ZNF875: variants seen among roughly 807,000 people sequenced by gnomAD.
ZNF875 encodes the protein HKR1, GLI-Kruppel zinc finger family member.
A neutral mutation model predicts 11.2 loss-of-function variants in ZNF875; 14 were observed. The observed-to-expected ratio is 1.26, with a 90% CI of 0.83 to 1.96. ZNF875 has a LOEUF of 1.96. Among genes scored for constraint, ZNF875 ranks in the 30% most tolerant of loss-of-function variants. The pLI, the probability that ZNF875 is intolerant of heterozygous loss-of-function variation, is 0.00. For synonymous variants in ZNF875, 301 were observed against 281.1 expected, an observed-to-expected ratio of 1.07 and a Z score of -0.71; for missense variants, 752 against 760.4, an observed-to-expected ratio of 0.99 and a Z score of 0.13.
At position 37,349,623 on chromosome 19, in the gene ZNF875, G is replaced by C. The variant is rs1416287727; in HGVS notation, c.256+1751G>C. Among the ~76,000 whole-genome samples, 4 of 151,962 alleles carry C rather than the reference G, an allele frequency of 2.6e-5. No individual in the cohort carries two copies. The East Asian group carries it at 5.8e-4, about 22-fold the overall frequency. ...AATCATTGAGGTGAACTCTTTATCAGATGTTCCAATCTGTGGCCTACCTCC... is the reference window on the plus strand; with the variant it reads ...AATCATTGAGGTGAACTCTTTATCACATGTTCCAATCTGTGGCCTACCTCC... On this transcript the variant is annotated intron_variant, in intron 4 of 4. Coordinates refer to ENST00000392153, the MANE Select transcript of ZNF875 (RefSeq NM_001353803.2).
rs781191343 is a variant in ZNF875 at position 37,363,301 on chromosome 19, TG to T, written c.1452del (p.Arg485GlufsTer9). Reference sequence around the variant, plus strand: ...AGAAGCCATTTGTATGTACGGAGTGTGGGCGAGGCTTTACCCGGAAATCAAC... The same window carrying T: ...AGAAGCCATTTGTATGTACGGAGTGTGGCGAGGCTTTACCCGGAAATCAAC... ...GEKPFVCTEC[G>X]RGFTRKSTLS... On this transcript the variant is annotated frameshift_variant, in exon 5 of 5. Transcript: ENST00000392153. LOFTEE classifies it low-confidence loss of function (END_TRUNC). 17 of 1,611,086 alleles carry T rather than the reference TG, an allele frequency of 1.1e-5. No homozygotes were observed. Among genetic ancestry groups the T allele is most frequent in the East Asian group, 8.9e-5 (4 of 44,764 alleles).
In ZNF875 at chr19:37,334,654, C is replaced by A. The variant is rs1455028677; in HGVS notation, c.-185C>A. ...GTAGCGTTGACGTCAGAAACACTTC[C>A]GGTCGGTGGCCCAGGCGCGTTAAGC... On this transcript the variant is annotated 5_prime_UTR_variant, in exon 1 of 5. Transcript: ENST00000392153. 4.4e-6 allele frequency: 2 copies of A among 455,818 alleles called. No individual in the cohort carries two copies. The highest frequency in any genetic ancestry group is 2.3e-5 in the Admixed American group (1 of 42,554). 28.2% of individuals were successfully genotyped at this position (455,818 alleles called of 1,614,324 possible).
chr19:37,363,836 C>G lies in ZNF875; in HGVS notation c.*61C>G. ...TAGCCAGGAGTCATACTTCATCAGACACCAGAGGACACACACAGTGCTGTG... is the reference window on the plus strand; with the variant it reads ...TAGCCAGGAGTCATACTTCATCAGAGACCAGAGGACACACACAGTGCTGTG... On this transcript the variant is annotated 3_prime_UTR_variant, in exon 5 of 5. Transcript: ENST00000392153. 7.3e-7 allele frequency: 1 copy of G among 1,373,386 alleles called. No homozygotes were observed. The highest frequency in any genetic ancestry group is 1.4e-5 in the African/African-American group (1 of 70,376). 85.1% of individuals were successfully genotyped at this position (1,373,386 alleles called of 1,614,324 possible).
intron 4 of ZNF875, among the ~76,000 whole-genome samples, chr19:37,351,438 A>G (rs565155433): frequency 6.6e-6 from 1 of 152,044 alleles, no homozygotes; most frequent in East Asian, 1.9e-4. Flanking sequence ...AGTGATTTTT[A>G]TTTGTATCTT....
intron 1 of ZNF875, among the ~76,000 whole-genome samples, chr19:37,319,473 G>T (rs1426368383): frequency 6.6e-6 from 1 of 151,390 alleles, no homozygotes; most frequent in Non-Finnish European, 1.5e-5. Flanking sequence ...GACACCTATA[G>T]GCGGCAGGTC....
intron 2 of ZNF875, among the ~76,000 whole-genome samples, chr19:37,340,638 T>C (rs1473144179): frequency 2.7e-5 from 4 of 149,244 alleles, no homozygotes; most frequent in Non-Finnish European, 4.4e-5. Flanking sequence ...AGTCATCTTA[T>C]GTGTACTTTT....
At chr19:37,362,058 G>A in intron 4 of ZNF875, 51 bp from the exon 5 acceptor site, 3 of 1,268,538 alleles carry the variant, frequency 2.4e-6, no homozygotes, top group Non-Finnish European at 2.2e-6. Flanking sequence ...AGGCAAAATT[G>A]CCTACACAGC....
At chr19:37,325,398 A>G (rs1864468411) in intron 4 of ZNF875, among the ~76,000 whole-genome samples, 1 of 152,198 alleles carries the variant, frequency 6.6e-6, no homozygotes, top group Admixed American at 6.5e-5. Flanking sequence ...AATGCCAGAC[A>G]CATACGTCAT....
At chr19:37,360,759 G>T (rs2039761405) in intron 4 of ZNF875, among the ~76,000 whole-genome samples, 1 of 151,892 alleles carries the variant, frequency 6.6e-6, no homozygotes, top group African/African-American at 2.4e-5. Flanking sequence ...GCCTCCTTAA[G>T]TGTTGGGATT....
chr19:37,353,567 T>C (rs570436318), intron 4 of ZNF875, among the ~76,000 whole-genome samples: 19 of 152,316 alleles, frequency 1.2e-4, no homozygotes, highest in African/African-American at 4.6e-4. Flanking sequence ...TTTTCCTTCA[T>C]CCTGAAAGAC....
rs888009034 is a variant in ZNF875 at position 37,347,857 on chromosome 19, C to T, written c.241C>T (p.Leu81=). The T allele has an allele frequency of 6.2e-7, 1 of 1,601,684 alleles. No homozygotes were observed. Among genetic ancestry groups the T allele is most frequent in the East Asian group, 2.2e-5 (1 of 44,822 alleles). ...APWREERKCP[L]DLCPESKPEI... is the part of the protein sequence containing the mutation. The stretch of plus-strand genomic sequence containing the variant: ...CTGGAGAGAGGAGAGAAAATGTCCA[C>T]TGGACCTCTGTCCAGGTGAGTGTTG... Residue 81 remains leucine (L), a synonymous_variant, in exon 4 of 5, where the codon CTG becomes TTG. Transcript: ENST00000392153.
chr19:37,344,704 T>C (rs765333386), intron 2 of ZNF875: 1 of 1,613,964 alleles, frequency 6.2e-7, no homozygotes, highest in African/African-American at 1.3e-5. Context: ...AACCACACAG[T>C]GTCTACAATG....
chr19:37,329,222 T>C (rs73930968), intron 4 of ZNF875: 46 of 152,268 alleles, frequency 3.0e-4, no homozygotes, highest in African/African-American at 1.1e-3. Flanking sequence ...CTTGCGGAGT[T>C]TTCTAGTCCC....
At chr19:37,323,800 G>T (rs2031941446) in intron 3 of ZNF875, among the ~76,000 whole-genome samples, 1 of 152,192 alleles carries the variant, frequency 6.6e-6, no homozygotes. Context: ...CAAAGGACAT[G>T]AGGCCACAAA....
At chr19:37,347,641 C>G (rs2037065812) in intron 3 of ZNF875, 136 bp from the exon 4 acceptor site, 1 of 639,918 alleles carries the variant, frequency 1.6e-6, no homozygotes, top group South Asian at 1.9e-5. Context: ...CTTAGTCAAC[C>G]CTTCTACTTC....
chr19:37,350,690 G>A (rs1286527381), intron 4 of ZNF875, among the ~76,000 whole-genome samples: 1 of 150,744 alleles, frequency 6.6e-6, no homozygotes, highest in East Asian at 2.0e-4. Flanking sequence ...CCACAATAAA[G>A]ATGTAGAACT....
intron 4 of ZNF875, among the ~76,000 whole-genome samples, chr19:37,327,727 TCACTC>T (rs1454095309): frequency 6.9e-6 from 1 of 144,248 alleles, no homozygotes; most frequent in Non-Finnish European, 1.5e-5. Flanking sequence ...TCTTGCCACT[TCACTC>T]CAGCCTGGCC....
In ZNF875 at chr19:37,363,318, G is replaced by A. The variant is rs375294602; in HGVS notation, c.1466G>A (p.Arg489Gln). The A allele has an allele frequency of 7.0e-5, 113 of 1,610,418 alleles. No homozygotes were observed. Among genetic ancestry groups the A allele is most frequent in the South Asian group, 5.6e-4 (51 of 90,646 alleles). ...ACGGAGTGTGGGCGAGGCTTTACCC[G>A]GAAATCAACCCTGAGCACGCACCAG... ...VCTECGRGFT[R>Q]KSTLSTHQRT... Residue 489 changes from arginine to glutamine, a missense_variant, in exon 5 of 5, where the codon CGG (arginine) becomes CAG (glutamine). Arg to Gln is a conservative substitution (Grantham distance 43, BLOSUM62 1). Coordinates refer to ENST00000392153, the MANE Select transcript of ZNF875 (RefSeq NM_001353803.2).
upstream of ZNF875, among the ~76,000 whole-genome samples, chr19:37,331,079 C>G (rs898122841): frequency 6.8e-6 from 1 of 147,846 alleles, no homozygotes; most frequent in Non-Finnish European, 1.5e-5. Flanking sequence ...CCCAGCTACT[C>G]GGGAGGCTGA....
Sources: gnomAD v4.1 joint callset for allele counts (sites outside exome capture counted in the v4.1 genomes callset) on GRCh38, gnomAD v4.1.1 for gene constraint, MANE v1.5 for transcripts, NCBI Gene and HGNC (gene_info 2026-07-23, HGNC 2026-07-21) for gene names.